CNTLN: variants seen among roughly 807,000 people sequenced by gnomAD.
The protein encoded by CNTLN is centlein, centrosomal protein.
CNTLN carries 212 observed loss-of-function variants against 180.0 expected under a neutral mutation model. The observed-to-expected ratio is 1.18, with a 90% CI of 1.05 to 1.32. The LOEUF is 1.32. Ranked by LOEUF, CNTLN falls within the 40% of genes most tolerant of loss-of-function variation. The pLI, the probability that CNTLN is intolerant of heterozygous loss-of-function variation, is 0.00. For missense variants in CNTLN, 2,095 were observed against 1,610.9 expected (o/e 1.30, Z -5.14); for synonymous variants, 722 against 563.1 (o/e 1.28, Z -3.99).
chr9:17,383,211 G>A (rs1429548644), intron 13 of CNTLN, among the ~76,000 whole-genome samples: 5 of 152,132 alleles, frequency 3.3e-5, no homozygotes, highest in African/African-American at 1.2e-4. Flanking sequence ...GGTTGCTTCT[G>A]TTATGCTTAA....
intron 5 of CNTLN, among the ~76,000 whole-genome samples, chr9:17,252,555 G>C (rs964092401): frequency 1.3e-5 from 2 of 151,612 alleles, no homozygotes; most frequent in Non-Finnish European, 3.0e-5. Flanking sequence ...TTTGAGAAAT[G>C]TCCATTTTTG....
chr9:17,217,503 T>A (rs1459417519), intron 2 of CNTLN, among the ~76,000 whole-genome samples: 2 of 152,224 alleles, frequency 1.3e-5, no homozygotes, highest in Non-Finnish European at 2.9e-5. Flanking sequence ...GGACACAGTT[T>A]GAAATGCAAG....
At chr9:17,153,252 A>T (rs1042578689) in intron 2 of CNTLN, among the ~76,000 whole-genome samples, 2 of 152,154 alleles carry the variant, frequency 1.3e-5, no homozygotes, top group African/African-American at 4.8e-5. Context: ...CATAGTGTCA[A>T]TGTTCTTTAC....
intron 18 of CNTLN, among the ~76,000 whole-genome samples, chr9:17,434,772 TTGTC>T (rs1174795133): frequency 1.3e-5 from 2 of 152,032 alleles, no homozygotes; most frequent in African/African-American, 4.8e-5. Flanking sequence ...AGTATATAGG[TTGTC>T]TGTGAAGTCT....
At chr9:17,381,702 A>T (rs904953133) in intron 13 of CNTLN, among the ~76,000 whole-genome samples, 2 of 152,154 alleles carry the variant, frequency 1.3e-5, no homozygotes, top group African/African-American at 4.8e-5. Context: ...TGCAGTAATA[A>T]ACATTTATTT....
chr9:17,513,068 C>T, the CNTLN span, among the ~76,000 whole-genome samples: 1 of 152,140 alleles, frequency 6.6e-6, no homozygotes, highest in Non-Finnish European at 1.5e-5. Context: ...ATCCGCCCTC[C>T]TTGGCCTCCC....
downstream of CNTLN, among the ~76,000 whole-genome samples, chr9:17,504,905 A>T (rs1440129445): frequency 6.6e-6 from 1 of 152,152 alleles, no homozygotes; most frequent in East Asian, 1.9e-4. Flanking sequence ...ATTTTATCTA[A>T]TTTAAGCCAC....
chr9:17,435,603 T>C (rs1829723753), intron 18 of CNTLN, among the ~76,000 whole-genome samples: 1 of 150,972 alleles, frequency 6.6e-6, no homozygotes, highest in Non-Finnish European at 1.5e-5. Context: ...TCTTATTGCC[T>C]AGGATGGAGT....
chr9:17,250,564 G>A (rs932445562), intron 5 of CNTLN, among the ~76,000 whole-genome samples: 3 of 151,854 alleles, frequency 2.0e-5, no homozygotes, highest in African/African-American at 7.3e-5. Flanking sequence ...TAAATTTATA[G>A]CAATAAAATT....
At chr9:17,193,633 C>T (rs1259802102) in intron 2 of CNTLN, among the ~76,000 whole-genome samples, 1 of 152,188 alleles carries the variant, frequency 6.6e-6, no homozygotes, top group Non-Finnish European at 1.5e-5. Context: ...CTCCCAGCTG[C>T]CTTCACGGGC....
Position 17,373,373 on chromosome 9 carries a change from T to G in CNTLN, c.1987+6656T>G, listed in dbSNP as rs145923100. ...AGAAATCAAGAAAGCTAATTCCATT[T>G]ACAGCAGCTACACCTAAAAGTCAGT... On this transcript the variant is annotated intron_variant, in intron 13 of 25. Transcript: ENST00000380647. Among the ~76,000 whole-genome samples the G allele has an allele frequency of 1.3e-5, 2 of 152,294 alleles. 1 individual carries two copies. The highest frequency in any genetic ancestry group is 2.9e-5 in the Non-Finnish European group (2 of 68,006).
chr9:17,492,847 G>A (rs745882344), intron 25 of CNTLN, among the ~76,000 whole-genome samples: 7 of 152,094 alleles, frequency 4.6e-5, no homozygotes, highest in South Asian at 2.1e-4. Flanking sequence ...AATGCCCACC[G>A]ATGAATGAAT....
At chr9:17,387,170 G>T (rs1030736464) in intron 13 of CNTLN, among the ~76,000 whole-genome samples, 2 of 152,114 alleles carry the variant, frequency 1.3e-5, no homozygotes, top group African/African-American at 4.8e-5. Flanking sequence ...TATACCAGGA[G>T]GATTTCTACT....
At chr9:17,460,327 G>A (rs145402893) in intron 19 of CNTLN, among the ~76,000 whole-genome samples, 7 of 151,868 alleles carry the variant, frequency 4.6e-5, no homozygotes, top group African/African-American at 1.7e-4. Flanking sequence ...TAGGAAAGCT[G>A]TAACAGGGAT....
At position 17,466,823 on chromosome 9, in the gene CNTLN, C is replaced by T; in HGVS notation, c.3787C>T (p.Leu1263=). 2 of 1,610,882 alleles carry T rather than the reference C, an allele frequency of 1.2e-6. No homozygotes were observed. The highest frequency in any genetic ancestry group is 1.1e-5 in the South Asian group (1 of 90,948). Residue 1263 remains leucine, a synonymous_variant, in exon 23 of 26, where the codon CTA becomes TTA. Coordinates refer to ENST00000380647, the MANE Select transcript of CNTLN (RefSeq NM_017738.4). ...QELALQSEQV[L]EGAQKTLLLA... is the part of the protein sequence containing the mutation. ...ATTAGCATTGCAAAGTGAACAGGTC[C>T]TAGAAGGTGCACAGAAGACATTGCT...
intron 13 of CNTLN, among the ~76,000 whole-genome samples, chr9:17,377,028 T>G (rs1824832356): frequency 6.6e-6 from 1 of 152,200 alleles, no homozygotes; most frequent in African/African-American, 2.4e-5. Context: ...AAAACTTTTT[T>G]GTAAAAGTTT....
intron 10 of CNTLN, among the ~76,000 whole-genome samples, chr9:17,335,423 A>C (rs947183062): frequency 5.3e-5 from 8 of 152,138 alleles, no homozygotes; most frequent in Non-Finnish European, 1.2e-4. Context: ...GGGCTGAGGC[A>C]GGAGAATTGC....
intron 2 of CNTLN, among the ~76,000 whole-genome samples, chr9:17,183,869 T>G (rs1563857786): frequency 6.6e-6 from 1 of 152,102 alleles, no homozygotes; most frequent in Non-Finnish European, 1.5e-5. Flanking sequence ...ATTATTTATA[T>G]TTTCCTTTAA....
At chr9:17,318,422 G>A (rs779234437) in intron 8 of CNTLN, among the ~76,000 whole-genome samples, 1 of 152,112 alleles carries the variant, frequency 6.6e-6, no homozygotes, top group Non-Finnish European at 1.5e-5. Context: ...AATTTAACAG[G>A]CAATTGTAAT....
Sources: gnomAD v4.1 joint callset for allele counts (sites outside exome capture counted in the v4.1 genomes callset) on GRCh38, gnomAD v4.1.1 for gene constraint, MANE v1.5 for transcripts, NCBI Gene and HGNC (gene_info 2026-07-23, HGNC 2026-07-21) for gene names.